Variants in TNIP3 observed in about 807,000 individuals in gnomAD.
TNIP3 encodes TNFAIP3-interacting protein 3.
Under a neutral mutation model 54.1 loss-of-function variants are expected in TNIP3, and 34 were observed. The observed-to-expected ratio is 0.63, with a 90% CI of 0.48 to 0.84. The LOEUF is 0.84. TNIP3 is among the 40% of genes least tolerant of loss of function. TNIP3 has a pLI of 0.00. For missense variants in TNIP3, 366 were observed against 387.6 expected (o/e 0.94, Z 0.47); for synonymous variants, 134 against 136.8 (o/e 0.98, Z 0.14).
intron 2 of TNIP3, among the ~76,000 whole-genome samples, chr4:121,210,700 T>C (rs1229677349): frequency 6.6e-6 from 1 of 152,150 alleles, no homozygotes; most frequent in Non-Finnish European, 1.5e-5. Flanking sequence ...TCTTTGTGCA[T>C]GTGTGGAGAG....
At chr4:121,137,759 C>T (rs992297163) in intron 10 of TNIP3, 8 of 326,320 alleles carry the variant, frequency 2.5e-5, no homozygotes, top group Non-Finnish European at 3.6e-5. Context: ...GATCAAATTT[C>T]AAGAATGGCC....
chr4:121,142,054 T>A (rs974040705), intron 8 of TNIP3, 140 bp from the exon 9 acceptor site: 1 of 502,930 alleles, frequency 2.0e-6, no homozygotes, highest in African/African-American at 2.0e-5. Context: ...ATAGTAAACA[T>A]GTCAATAGAC....
At chr4:121,192,223 T>C (rs1478443974) in intron 2 of TNIP3, among the ~76,000 whole-genome samples, 1 of 152,144 alleles carries the variant, frequency 6.6e-6, no homozygotes, top group Non-Finnish European at 1.5e-5. Context: ...CCAATCTCAA[T>C]CGACGCCTGA....
chr4:121,154,298 G>C (rs918240665), intron 5 of TNIP3: 2 of 434,784 alleles, frequency 4.6e-6, no homozygotes, highest in Non-Finnish European at 8.2e-6. Context: ...TGTTCTTACT[G>C]TCTCTGTAAT....
intron 2 of TNIP3, among the ~76,000 whole-genome samples, chr4:121,206,990 T>C (rs946712812): frequency 1.3e-5 from 2 of 152,060 alleles, no homozygotes; most frequent in African/African-American, 4.8e-5. Context: ...AGTTCAAATA[T>C]AGACTCCAAA....
chr4:121,150,371 T>A (rs908598799), intron 5 of TNIP3, 152 bp from the exon 6 acceptor site: 1 of 480,790 alleles, frequency 2.1e-6, no homozygotes, highest in African/African-American at 2.0e-5. Flanking sequence ...TCTTTCTGAT[T>A]TTCTCATATA....
chr4:121,139,980 G>A (rs905246510), intron 9 of TNIP3, among the ~76,000 whole-genome samples: 5 of 152,186 alleles, frequency 3.3e-5, no homozygotes, highest in African/African-American at 1.2e-4. Context: ...TAACTTTGAG[G>A]ATTTGGTTGT....
At chr4:121,226,273 A>G (rs946495390) in intron 1 of TNIP3, among the ~76,000 whole-genome samples, 3 of 152,078 alleles carry the variant, frequency 2.0e-5, no homozygotes, top group Non-Finnish European at 2.9e-5. Flanking sequence ...GGCACAAAGA[A>G]AGAGAGACAG....
chr4:121,198,802 A>G (rs1303623578), intron 2 of TNIP3, among the ~76,000 whole-genome samples: 1 of 152,232 alleles, frequency 6.6e-6, no homozygotes, highest in Non-Finnish European at 1.5e-5. Flanking sequence ...TAACAAAATC[A>G]TGGAATACGT....
At chr4:121,199,168 A>T (rs1725751047) in intron 2 of TNIP3, among the ~76,000 whole-genome samples, 1 of 152,200 alleles carries the variant, frequency 6.6e-6, no homozygotes, top group Non-Finnish European at 1.5e-5. Context: ...AAAACAAAGC[A>T]AAACAAAAAA....
chr4:121,189,793 T>C (rs1281628309), intron 2 of TNIP3, among the ~76,000 whole-genome samples: 2 of 152,172 alleles, frequency 1.3e-5, no homozygotes, highest in African/African-American at 4.8e-5. Flanking sequence ...GCCCAGAGAA[T>C]AGGGTGGGGA....
intron 2 of TNIP3, among the ~76,000 whole-genome samples, chr4:121,202,941 G>A (rs1020138037): frequency 6.6e-6 from 1 of 152,108 alleles, no homozygotes; most frequent in Non-Finnish European, 1.5e-5. Context: ...TGTTGGCATG[G>A]ATGTGGTGAA....
rs766745866 is a variant in TNIP3, at chr4:121,132,642, CT to C, written c.966del (p.Val323SerfsTer8). On this transcript the variant is annotated frameshift_variant, in exon 11 of 11. Transcript: ENST00000057513. LOFTEE classifies it high-confidence loss of function. The stretch of plus-strand genomic sequence containing the variant: ...GTTAGTGTGTACTTCTACGGATGGA[CT>C]TTCTTTACTGAGGATAAACCTATGG... ...HKANGLSSVK[K>X]VHP The C allele has an allele frequency of 6.2e-7, 1 of 1,612,764 alleles. No homozygotes were observed. Among genetic ancestry groups the C allele is most frequent in the Non-Finnish European group, 8.5e-7 (1 of 1,179,138 alleles).
chr4:121,215,766 G>A (rs952928982), intron 2 of TNIP3, among the ~76,000 whole-genome samples: 2 of 151,858 alleles, frequency 1.3e-5, no homozygotes, highest in African/African-American at 4.8e-5. Flanking sequence ...TGATGCTTAG[G>A]CATCTGCATG....
At chr4:121,181,624 G>GGTGT (rs3028475) in intron 3 of TNIP3, among the ~76,000 whole-genome samples, 63,710 of 148,370 alleles carry the variant, frequency 0.43, 14,816 homozygotes, top group East Asian at 0.64. Flanking sequence ...TAATAAGACA[G>GGTGT]GTGTGTGTGT....
chr4:121,220,134 T>G (rs1017615798), upstream of TNIP3, among the ~76,000 whole-genome samples: 2 of 152,208 alleles, frequency 1.3e-5, no homozygotes, highest in Non-Finnish European at 2.9e-5. Flanking sequence ...ATATTAATTT[T>G]TTAGAAATGA....
At chr4:121,220,382 A>G (rs1726979255), upstream of TNIP3, among the ~76,000 whole-genome samples, 1 of 152,234 alleles carries the variant, frequency 6.6e-6, no homozygotes, top group African/African-American at 2.4e-5. Flanking sequence ...CCCACAATAA[A>G]TCCTTGGTGA....
chr4:121,187,956 C>T (rs1725111251), intron 2 of TNIP3, among the ~76,000 whole-genome samples: 1 of 151,678 alleles, frequency 6.6e-6, no homozygotes, highest in Non-Finnish European at 1.5e-5. Context: ...TTTTTTTAAC[C>T]ATCCAGGAAT....
intron 2 of TNIP3, among the ~76,000 whole-genome samples, chr4:121,188,830 A>C (rs539635885): frequency 1.5e-4 from 23 of 152,254 alleles, no homozygotes; most frequent in Admixed American, 1.2e-3. Context: ...ACATGGGTTC[A>C]TTTTGTTTGC....
Sources: allele counts gnomAD v4.1 joint callset (sites outside exome capture counted in the v4.1 genomes callset), GRCh38; gene constraint gnomAD v4.1.1; transcripts MANE v1.5; gene names NCBI Gene and HGNC (gene_info 2026-07-23, HGNC 2026-07-21).